The following PREX1 variants were observed in gnomAD, a reference collection of about 807,000 sequenced individuals.
The protein encoded by PREX1 is phosphatidylinositol-3,4,5-trisphosphate dependent Rac exchange factor 1, also known as phosphatidylinositol 3,4,5-trisphosphate-dependent Rac exchanger 1 protein.
Under a neutral mutation model 198.3 loss-of-function variants are expected in PREX1, and 41 were observed. The ratio of observed to expected loss-of-function variants is 0.21; its 90% CI spans 0.16 to 0.27. The LOEUF is 0.27. Ranked by LOEUF, PREX1 falls within the 10% of genes least tolerant of loss-of-function variation. PREX1 has a pLI of 1.00. For synonymous variants in PREX1, 843 were observed against 887.2 expected (o/e 0.95, Z 0.89); for missense variants, 1,620 against 2,200.7 (o/e 0.74, Z 5.28).
intron 1 of PREX1, among the ~76,000 whole-genome samples, chr20:48,777,686 G>A (rs2090268811): frequency 6.6e-6 from 1 of 152,186 alleles, no homozygotes; most frequent in Admixed American, 6.5e-5. Context: ...ATGGCTTGGG[G>A]CCGGCAGCTG....
intron 6 of PREX1, among the ~76,000 whole-genome samples, chr20:48,707,330 C>G (rs989453514): frequency 1.3e-5 from 2 of 152,182 alleles, no homozygotes; most frequent in African/African-American, 4.8e-5. Flanking sequence ...GAAGGCCCAG[C>G]AGAAAGAGCG....
chr20:48,767,425 G>A (rs1414106043), intron 1 of PREX1, among the ~76,000 whole-genome samples: 1 of 152,158 alleles, frequency 6.6e-6, no homozygotes, highest in African/African-American at 2.4e-5. Flanking sequence ...GCTGAGAGCT[G>A]GAAGATGGAG....
Position 48,827,817 on chromosome 20 carries a change from C to A in PREX1, c.44G>T (p.Gly15Val). ...CCGGGGGTCCGGGTGGGCGCAGTCC[C>A]CGGCCCCGTCGCCGCCGGGCTCGCT... ...SGSEPGGDGA[G>V]DCAHPDPRAP... The change falls in exon 1 of 40, where the codon GGG becomes GTG. Residue 15 changes from glycine (G) to valine (V), a missense_variant. Around this residue, in one of 7 missense-constraint regions of PREX1, gnomAD observed 96 missense variants for 98.7 expected, o/e 0.97. Transcript: ENST00000371941. The surrounding 1 kb of genome is among the most constrained non-coding windows in gnomAD (Gnocchi z 4.1). 9.9e-7 allele frequency: 1 copy of A among 1,009,554 alleles called. No individual in the cohort carries two copies. The highest frequency in any genetic ancestry group is 4.5e-5 in the South Asian group (1 of 22,328). The allele number at this position is 1,009,554 out of a possible 1,614,324, so 62.5% of individuals were successfully genotyped here.
chr20:48,739,158 C>T (rs984127061), intron 3 of PREX1, among the ~76,000 whole-genome samples: 3 of 152,146 alleles, frequency 2.0e-5, no homozygotes, highest in Non-Finnish European at 4.4e-5. Flanking sequence ...TCTGCTCTGG[C>T]CACGCCAGTC....
intron 9 of PREX1, among the ~76,000 whole-genome samples, chr20:48,689,070 A>G (rs1395156050): frequency 6.6e-6 from 1 of 152,250 alleles, no homozygotes; most frequent in African/African-American, 2.4e-5. Flanking sequence ...ACAGGGGGTC[A>G]TGCCTTCAAC....
chr20:48,648,060 G>C (rs73142106), intron 25 of PREX1, among the ~76,000 whole-genome samples: 1 of 151,968 alleles, frequency 6.6e-6, no homozygotes, highest in Non-Finnish European at 1.5e-5. Flanking sequence ...ATGCCATCAC[G>C]CCTGGCTAAT....
chr20:48,704,361 G>A (rs1004782122), intron 6 of PREX1, among the ~76,000 whole-genome samples: 1 of 152,192 alleles, frequency 6.6e-6, no homozygotes, highest in Admixed American at 6.5e-5. Flanking sequence ...AGCACTCCAG[G>A]GAGGGTAGGA....
At chr20:48,885,761 G>A in the PREX1 span, among the ~76,000 whole-genome samples, 4 of 152,128 alleles carry the variant, frequency 2.6e-5, no homozygotes, top group Non-Finnish European at 5.9e-5. Flanking sequence ...GGAAAGACAT[G>A]GAGGAAACTT....
intron 6 of PREX1, among the ~76,000 whole-genome samples, chr20:48,703,988 C>T (rs1230741658): frequency 6.6e-6 from 1 of 152,212 alleles, no homozygotes; most frequent in Non-Finnish European, 1.5e-5. Context: ...TCCAGACATG[C>T]ACACTCAGCC....
intron 39 of PREX1, among the ~76,000 whole-genome samples, chr20:48,626,156 C>T (rs1288263800): frequency 2.6e-5 from 4 of 152,200 alleles, no homozygotes; most frequent in African/African-American, 2.4e-5. Flanking sequence ...CAAATGAAGA[C>T]GTGTCTACAG....
chr20:48,806,108 G>A (rs1260768780), intron 1 of PREX1, among the ~76,000 whole-genome samples: 1 of 152,162 alleles, frequency 6.6e-6, no homozygotes, highest in Non-Finnish European at 1.5e-5. Flanking sequence ...ACAGTAGCAG[G>A]TAGAGTCCAG....
chr20:48,678,836 T>C (rs988683471), intron 13 of PREX1, among the ~76,000 whole-genome samples: 1 of 152,250 alleles, frequency 6.6e-6, no homozygotes, highest in African/African-American at 2.4e-5. Context: ...GTCTTGGCTA[T>C]GTCTTTATCA....
intron 1 of PREX1, among the ~76,000 whole-genome samples, chr20:48,810,498 C>G (rs2090429040): frequency 6.6e-6 from 1 of 151,234 alleles, no homozygotes; most frequent in African/African-American, 2.4e-5. Flanking sequence ...GTGGGAAGGT[C>G]ACCCCAGGAG....
intron 4 of PREX1, 144 bp from the exon 5 acceptor site, chr20:48,726,535 T>G (rs2090011163): frequency 1.6e-6 from 1 of 635,470 alleles, no homozygotes; most frequent in Non-Finnish European, 2.8e-6. Context: ...AAAACGTGCA[T>G]CATCTACAAC....
At chr20:48,822,896 C>T (rs1316165448) in intron 1 of PREX1, among the ~76,000 whole-genome samples, 4 of 152,184 alleles carry the variant, frequency 2.6e-5, no homozygotes. Flanking sequence ...GGTCCCTCTG[C>T]CTCAATGACT....
intron 1 of PREX1, among the ~76,000 whole-genome samples, chr20:48,811,498 G>A (rs1218561623): frequency 6.6e-6 from 1 of 151,936 alleles, no homozygotes; most frequent in African/African-American, 2.4e-5. Flanking sequence ...GCAAGGGTAC[G>A]ATCAATGACT....
At chr20:48,749,885 C>T (rs2090126708) in intron 1 of PREX1, among the ~76,000 whole-genome samples, 1 of 152,028 alleles carries the variant, frequency 6.6e-6, no homozygotes, top group Admixed American at 6.5e-5. Flanking sequence ...ATTGCAACCT[C>T]CAGCATAAAT....
At chr20:48,679,612 G>A (rs2089734683) in intron 12 of PREX1, 39 bp downstream of exon 12, 1 of 1,548,436 alleles carries the variant, frequency 6.5e-7, no homozygotes, top group African/African-American at 1.4e-5. Flanking sequence ...GGTGAACGAG[G>A]CCAGCTGAGT....
intron 1 of PREX1, among the ~76,000 whole-genome samples, chr20:48,756,914 T>C (rs188551211): frequency 8.7e-4 from 133 of 152,320 alleles, no homozygotes; most frequent in African/African-American, 3.1e-3. Flanking sequence ...ATGTCTTACA[T>C]GGCGGCAGGC....
Sources: allele counts gnomAD v4.1 joint callset (sites outside exome capture counted in the v4.1 genomes callset), GRCh38; gene constraint gnomAD v4.1.1; regional missense constraint gnomAD v4.1.1; non-coding constraint Gnocchi (gnomAD v3.1); transcripts MANE v1.5; gene names NCBI Gene and HGNC (gene_info 2026-07-23, HGNC 2026-07-21).